The following ERC2 variants were observed in gnomAD, a reference collection of about 807,000 sequenced individuals.
The protein encoded by ERC2 is ERC protein 2.
A neutral mutation model predicts 114.8 loss-of-function variants in ERC2; 42 were observed. That is an observed-to-expected ratio of 0.37 (90% CI 0.29 to 0.47). ERC2 has a LOEUF of 0.47. ERC2 is among the 20% of genes least tolerant of loss of function. The probability of loss-of-function intolerance (pLI) is 0.99; values close to 1 mark genes in which losing one functional copy is unlikely to be tolerated. For missense variants in ERC2, 939 were observed against 1,150.7 expected, an observed-to-expected ratio of 0.82 and a Z score of 2.66; for synonymous variants, 454 against 425.5, an observed-to-expected ratio of 1.07 and a Z score of -0.82.
rs184935605 is a variant in ERC2 at position 55,820,205 on chromosome 3, A to G, written c.2564+68184T>C. Among the ~76,000 whole-genome samples, 849 of 152,258 alleles carry G rather than the reference A, an allele frequency of 5.6e-3. 9 individuals carry two copies. The highest frequency in any genetic ancestry group is 0.02 in the African/African-American group (813 of 41,534). On this transcript the variant is annotated intron_variant, in intron 14 of 17. Coordinates refer to ENST00000288221, the MANE Select transcript of ERC2 (RefSeq NM_015576.3). ...GAGTTCCTTCTGGTTCTTCACATCC[A>G]TAAAAGAGAGTGGAGCCACAAAACA...
chr3:55,714,418 C>T (rs1559538135), intron 15 of ERC2, among the ~76,000 whole-genome samples: 1 of 151,766 alleles, frequency 6.6e-6, no homozygotes, highest in Non-Finnish European at 1.5e-5. Flanking sequence ...CCAAAATGTC[C>T]ATATATTAGG....
intron 16 of ERC2, among the ~76,000 whole-genome samples, chr3:55,685,168 A>G (rs2062261691): frequency 6.6e-6 from 1 of 152,180 alleles, no homozygotes. Flanking sequence ...ATGCATTGAA[A>G]AAAGTATTCT....
At chr3:55,949,062 T>G (rs1428145478) in intron 13 of ERC2, among the ~76,000 whole-genome samples, 1 of 152,080 alleles carries the variant, frequency 6.6e-6, no homozygotes, top group Non-Finnish European at 1.5e-5. Flanking sequence ...TAAGGTCAGG[T>G]CGTCTTTAAA....
rs565035167 is a variant in ERC2, at chr3:56,315,763, A to G, written c.658-19328T>C. ...GACTTTTAAAGTCAGAAAGAGAAAAAAAAAATAGCTTTCAAATTTGAGTCT... is the reference window on the plus strand; with the variant it reads ...GACTTTTAAAGTCAGAAAGAGAAAAGAAAAATAGCTTTCAAATTTGAGTCT... On this transcript the variant is annotated intron_variant, in intron 2 of 17. Coordinates refer to ENST00000288221, the MANE Select transcript of ERC2 (RefSeq NM_015576.3). Among the ~76,000 whole-genome samples the G allele has an allele frequency of 1.9e-3, 295 of 151,938 alleles. 2 individuals carry two copies. Among genetic ancestry groups the G allele is most frequent in the African/African-American group, 6.6e-3 (274 of 41,480 alleles).
intron 10 of ERC2, among the ~76,000 whole-genome samples, chr3:56,002,494 GGCT>G (rs1464515614): frequency 6.6e-6 from 1 of 152,116 alleles, no homozygotes; most frequent in Non-Finnish European, 1.5e-5. Context: ...GGTGGCACCT[GGCT>G]CATTTTACAA....
intron 3 of ERC2, among the ~76,000 whole-genome samples, chr3:56,240,704 T>C (rs1208462580): frequency 1.3e-5 from 2 of 152,160 alleles, no homozygotes; most frequent in Non-Finnish European, 2.9e-5. Context: ...CATTTAAATA[T>C]GGAAAACATA....
At chr3:55,882,360 T>C (rs1330609523) in intron 14 of ERC2, among the ~76,000 whole-genome samples, 2 of 152,204 alleles carry the variant, frequency 1.3e-5, no homozygotes, top group Admixed American at 6.5e-5. Context: ...ATGAGCCAAA[T>C]GAACCATTTT....
chr3:56,198,206 A>G (rs17732598), intron 3 of ERC2, among the ~76,000 whole-genome samples: 7,416 of 152,324 alleles, frequency 0.049, 343 homozygotes, highest in Admixed American at 0.14. Flanking sequence ...TCAATGAATG[A>G]ACCAGTGATG....
intron 2 of ERC2, among the ~76,000 whole-genome samples, chr3:56,329,040 T>G (rs2057491180): frequency 1.3e-5 from 2 of 152,314 alleles, no homozygotes; most frequent in East Asian, 3.9e-4. Flanking sequence ...CTTAGATATT[T>G]CTCTATTTAT....
chr3:56,119,989 G>A (rs7629769), intron 6 of ERC2, among the ~76,000 whole-genome samples: 26,834 of 152,242 alleles, frequency 0.18, 2,937 homozygotes, highest in African/African-American at 0.3. Flanking sequence ...TATGGAGGGA[G>A]TTGAGTAATT....
chr3:56,224,822 A>G (rs1182946732), intron 3 of ERC2, among the ~76,000 whole-genome samples: 4 of 152,208 alleles, frequency 2.6e-5, no homozygotes, highest in African/African-American at 9.6e-5. Context: ...AAATACTAAT[A>G]AAAATCAGAG....
chr3:55,676,360 A>C (rs2061810461), intron 17 of ERC2, among the ~76,000 whole-genome samples: 1 of 151,922 alleles, frequency 6.6e-6, no homozygotes, highest in Non-Finnish European at 1.5e-5. Flanking sequence ...GACAGTGCTA[A>C]CTACCAAAGG....
chr3:56,207,236 T>TATGTCTA (rs2048791515), intron 3 of ERC2, among the ~76,000 whole-genome samples: 1 of 152,126 alleles, frequency 6.6e-6, no homozygotes. Flanking sequence ...AAGGGATTAT[T>TATGTCTA]TTTAATAACC....
intron 13 of ERC2, among the ~76,000 whole-genome samples, chr3:55,932,336 T>C (rs1289949099): frequency 3.3e-5 from 5 of 152,216 alleles, no homozygotes; most frequent in African/African-American, 1.2e-4. Context: ...ATAATGATGT[T>C]ATTATTATGA....
chr3:56,462,399 A>C (rs1036212547), intron 1 of ERC2, among the ~76,000 whole-genome samples: 13 of 151,422 alleles, frequency 8.6e-5, no homozygotes, highest in African/African-American at 2.7e-4. Flanking sequence ...CTCCACCTTC[A>C]CTCGTACTAA....
intron 2 of ERC2, among the ~76,000 whole-genome samples, chr3:56,314,105 T>A (rs888395141): frequency 6.6e-6 from 1 of 152,138 alleles, no homozygotes; most frequent in African/African-American, 2.4e-5. Flanking sequence ...TATCCCAAAT[T>A]AAGATCTCTG....
chr3:56,096,846 A>G (rs2078092744), intron 6 of ERC2, among the ~76,000 whole-genome samples: 1 of 152,358 alleles, frequency 6.6e-6, no homozygotes, highest in East Asian at 1.9e-4. Flanking sequence ...GTAATGTTTC[A>G]ACTTCAGCCA....
At chr3:56,104,729 G>T (rs1366101254) in intron 6 of ERC2, among the ~76,000 whole-genome samples, 1 of 151,678 alleles carries the variant, frequency 6.6e-6, no homozygotes, top group Non-Finnish European at 1.5e-5. Context: ...TATCCCCAAA[G>T]AATTTCATCC....
At chr3:55,921,442 G>C (rs1238149986) in intron 13 of ERC2, among the ~76,000 whole-genome samples, 1 of 152,052 alleles carries the variant, frequency 6.6e-6, no homozygotes, top group Admixed American at 6.6e-5. Flanking sequence ...CAGTCCTACA[G>C]AGTTTTATCA....
Sources: gnomAD v4.1 joint callset for allele counts (sites outside exome capture counted in the v4.1 genomes callset) on GRCh38, gnomAD v4.1.1 for gene constraint, MANE v1.5 for transcripts, NCBI Gene and HGNC (gene_info 2026-07-23, HGNC 2026-07-21) for gene names.